The following FRMD3 variants were observed in gnomAD, a reference collection of about 807,000 sequenced individuals.
The protein encoded by FRMD3 is FERM domain-containing protein 3.
Under a neutral mutation model 70.2 loss-of-function variants are expected in FRMD3, and 33 were observed. That is an observed-to-expected ratio of 0.47 (90% CI 0.36 to 0.63). The LOEUF (loss-of-function observed/expected upper bound fraction) is 0.63, where lower values mean the gene tolerates loss of function less well. Among genes scored for constraint, FRMD3 ranks in the 20% least tolerant of loss-of-function variants. The probability of loss-of-function intolerance (pLI) is 0.00; values close to 1 mark genes in which losing one functional copy is unlikely to be tolerated. For synonymous variants in FRMD3, 279 were observed against 255.9 expected (o/e 1.09, Z -0.86); for missense variants, 632 against 711.4 (o/e 0.89, Z 1.27).
chr9:83,281,170 A>T (rs1833962295), intron 13 of FRMD3, among the ~76,000 whole-genome samples: 1 of 152,208 alleles, frequency 6.6e-6, no homozygotes, highest in African/African-American at 2.4e-5. Context: ...TGCAAAGAAC[A>T]TCTACTTAAC....
intron 4 of FRMD3, among the ~76,000 whole-genome samples, chr9:83,347,981 C>T (rs550799184): frequency 6.6e-6 from 1 of 152,228 alleles, no homozygotes; most frequent in South Asian, 2.1e-4. Context: ...AAAATGTTAG[C>T]AAATACAACT....
At chr9:83,556,070 A>G in the FRMD3 span, among the ~76,000 whole-genome samples, 1 of 151,926 alleles carries the variant, frequency 6.6e-6, no homozygotes, top group African/African-American at 2.4e-5. Context: ...AAGGTTTTGT[A>G]TTTACTTGCC....
intron 13 of FRMD3, among the ~76,000 whole-genome samples, chr9:83,259,153 C>T (rs1322003762): frequency 5.9e-5 from 9 of 152,116 alleles, no homozygotes; most frequent in Admixed American, 5.9e-4. Context: ...GAGAATTTCA[C>T]AAAATGAAGA....
chr9:83,296,751 A>C (rs1167858809), intron 12 of FRMD3, among the ~76,000 whole-genome samples: 2 of 152,212 alleles, frequency 1.3e-5, no homozygotes, highest in African/African-American at 4.8e-5. Context: ...ATGCCTCAGC[A>C]TGTATCCACT....
chr9:83,558,277 TGCGC>T, the FRMD3 span, among the ~76,000 whole-genome samples: 2 of 151,874 alleles, frequency 1.3e-5, no homozygotes, highest in African/African-American at 2.4e-5. Flanking sequence ...TGTGTGTGTG[TGCGC>T]GCGCGCACGC....
chr9:83,419,014 T>G (rs572823767), intron 1 of FRMD3, among the ~76,000 whole-genome samples: 19 of 152,328 alleles, frequency 1.2e-4, no homozygotes, highest in African/African-American at 4.6e-4. Flanking sequence ...AGGCCATTAT[T>G]CTAAGTGAAG....
At chr9:83,309,685 G>GTTT in intron 9 of FRMD3, 61 bp from the exon 10 acceptor site, 9 of 874,396 alleles carry the variant, frequency 1.0e-5, no homozygotes, top group South Asian at 1.8e-5. Context: ...TTTTCCATGG[G>GTTT]TTTTTTTTTT....
At chr9:83,326,763 T>C (rs1445031971) in intron 6 of FRMD3, among the ~76,000 whole-genome samples, 1 of 152,242 alleles carries the variant, frequency 6.6e-6, no homozygotes, top group Non-Finnish European at 1.5e-5. Flanking sequence ...CTCAGATTAA[T>C]AGTGTCTCTA....
chr9:83,269,108 CT>C (rs917482601), intron 13 of FRMD3, among the ~76,000 whole-genome samples: 18 of 152,240 alleles, frequency 1.2e-4, no homozygotes, highest in Non-Finnish European at 2.9e-5. Context: ...TAAATCACTA[CT>C]TTGCAGTAAC....
the FRMD3 span, among the ~76,000 whole-genome samples, chr9:83,570,396 T>C: frequency 6.6e-6 from 1 of 152,252 alleles, no homozygotes; most frequent in Non-Finnish European, 1.5e-5. Flanking sequence ...TTGGAGGTCA[T>C]ATATTACTTT....
At chr9:83,552,838 C>T in the FRMD3 span, among the ~76,000 whole-genome samples, 1 of 152,108 alleles carries the variant, frequency 6.6e-6, no homozygotes, top group Non-Finnish European at 1.5e-5. Context: ...GATTTTCCTC[C>T]ATCCCTTTAT....
chr9:83,525,370 T>C lies in FRMD3; in HGVS notation c.147+12715A>G, dbSNP rs17086423. Reference sequence around the variant, plus strand: ...TCATTGCATTATTAATATTAGATTATTGTTGTTTGAGCAATTTTGTAGAAC... The same window carrying C: ...TCATTGCATTATTAATATTAGATTACTGTTGTTTGAGCAATTTTGTAGAAC... On this transcript the variant is annotated intron_variant, in intron 1 of 13. Transcript: ENST00000304195. Among the ~76,000 whole-genome samples, 1,298 of 152,312 alleles carry C rather than the reference T, an allele frequency of 8.5e-3. 15 individuals carry two copies. The highest frequency in any genetic ancestry group is 0.029 in the African/African-American group (1,223 of 41,568).
chr9:83,334,741 G>A (rs1228324439), intron 6 of FRMD3, among the ~76,000 whole-genome samples: 1 of 152,114 alleles, frequency 6.6e-6, no homozygotes, highest in African/African-American at 2.4e-5. Context: ...ATTCCCAGCA[G>A]CCCATGTAGA....
At chr9:83,272,570 G>A (rs181431718) in intron 13 of FRMD3, among the ~76,000 whole-genome samples, 5,568 of 149,782 alleles carry the variant, frequency 0.037, 124 homozygotes, top group Middle Eastern at 0.08. Flanking sequence ...GCCGCCCATC[G>A]TCTGGGATGT....
intron 12 of FRMD3, among the ~76,000 whole-genome samples, chr9:83,291,365 T>C (rs1039435513): frequency 2.0e-5 from 3 of 152,194 alleles, no homozygotes; most frequent in Non-Finnish European, 4.4e-5. Flanking sequence ...AGCCTATTGG[T>C]TGGGAGCTGG....
the FRMD3 span, among the ~76,000 whole-genome samples, chr9:83,544,676 T>C: frequency 2.0e-5 from 3 of 152,198 alleles, no homozygotes; most frequent in African/African-American, 7.2e-5. Flanking sequence ...TGAAGACTTC[T>C]ATCTCCGTCT....
chr9:83,329,690 G>A (rs568918900), intron 6 of FRMD3, among the ~76,000 whole-genome samples: 35 of 152,214 alleles, frequency 2.3e-4, no homozygotes, highest in African/African-American at 7.7e-4. Flanking sequence ...TCACTGCCCC[G>A]GATCATTATA....
the FRMD3 span, among the ~76,000 whole-genome samples, chr9:83,556,775 C>T: frequency 1.3e-5 from 2 of 151,772 alleles, no homozygotes; most frequent in African/African-American, 4.8e-5. Context: ...TCAAGAGATT[C>T]GTTTTTCAAA....
At chr9:83,493,974 C>T (rs994582591) in intron 1 of FRMD3, among the ~76,000 whole-genome samples, 15 of 152,314 alleles carry the variant, frequency 9.8e-5, no homozygotes, top group African/African-American at 2.9e-4. Context: ...AGATCTCATG[C>T]GCTACACTTA....
Sources: allele counts gnomAD v4.1 joint callset (sites outside exome capture counted in the v4.1 genomes callset), GRCh38; gene constraint gnomAD v4.1.1; transcripts MANE v1.5; gene names NCBI Gene and HGNC (gene_info 2026-07-23, HGNC 2026-07-21).